WNK3: variants seen among roughly 807,000 people sequenced by gnomAD.
WNK3 encodes WNK lysine deficient protein kinase 3.
WNK3 carries 18 observed loss-of-function variants against 116.7 expected under a neutral mutation model. The ratio of observed to expected loss-of-function variants is 0.15; its 90% CI spans 0.11 to 0.23. The LOEUF (loss-of-function observed/expected upper bound fraction) is 0.23, where lower values mean the gene tolerates loss of function less well. WNK3 is among the 10% of genes least tolerant of loss of function. WNK3 has a pLI of 1.00. For synonymous variants in WNK3, 404 were observed against 469.4 expected, an observed-to-expected ratio of 0.86 and a Z score of 1.80; for missense variants, 993 against 1,323.8, an observed-to-expected ratio of 0.75 and a Z score of 3.88.
Position 54,233,837 on chromosome X carries a change from C to T in WNK3, c.4629-817G>A, listed in dbSNP as rs190882128. Among the ~76,000 whole-genome samples, 3 of 104,858 alleles carry T rather than the reference C, an allele frequency of 2.9e-5. No individual in the cohort carries two copies. In the Admixed American group the frequency reaches 3.1e-4, roughly 11 times the overall value. 91.1% of individuals were successfully genotyped at this position (104,858 alleles called of 115,157 possible). A position where few individuals can be genotyped will look rare whatever the true frequency, so the allele number is the denominator to read the frequency against. On this transcript the variant is annotated intron_variant, in intron 20 of 23. Transcript: ENST00000354646. ...GAAAAAAAAAAAAAAAAAAATCAGC[C>T]AGGTATGATGGCACGTGCCTGTAGT...
In WNK3 at chrX:54,249,648, A is replaced by AAAG. The variant is rs781915624; in HGVS notation, c.2714-17_2714-15dup. The AAAG allele has an allele frequency of 3.0e-4, 360 of 1,183,938 alleles. 4 individuals carry two copies. In the East Asian group the frequency reaches 9.2e-3, roughly 30 times the overall value. On this transcript the variant is annotated splice_polypyrimidine_tract_variant and intron_variant, in intron 16 of 23. Coordinates refer to ENST00000354646, the Ensembl canonical transcript of WNK3. The stretch of plus-strand genomic sequence containing the variant: ...TGTTTTTTGGACCTGGAACAATAAT[A>AAAG]AAGAATGGCTAAGCACGTACTGACG...
At chrX:54,278,466 C>G (rs1354152573) in intron 10 of WNK3, among the ~76,000 whole-genome samples, 1 of 109,731 alleles carries the variant, frequency 9.1e-6, no homozygotes, top group Non-Finnish European at 1.9e-5. Context: ...GTAGCAATCA[C>G]ACTACCCAAT....
At chrX:54,284,533 CA>C (rs1225497747) in intron 10 of WNK3, among the ~76,000 whole-genome samples, 93 of 98,032 alleles carry the variant, frequency 9.5e-4, no homozygotes, top group African/African-American at 3.0e-3. Flanking sequence ...AACATGTTTA[CA>C]AAAAAAAAAA....
chrX:54,336,308 A>T (rs1413677663), intron 1 of WNK3, among the ~76,000 whole-genome samples: 3 of 110,171 alleles, frequency 2.7e-5, no homozygotes, highest in Non-Finnish European at 5.7e-5. Flanking sequence ...TGACAGAGTG[A>T]GACTCTGTCT....
rs189030619 is a variant in WNK3 at position 54,265,998 on chromosome X, C to T, written c.2038-6660G>A. On this transcript the variant is annotated intron_variant, in intron 10 of 23. Coordinates refer to ENST00000354646, the Ensembl canonical transcript of WNK3. ...CTGCACTCCAGCCTGGACAAGACAG[C>T]GAAAAAAAAAAAGAGCTGAATTAGA... Among the ~76,000 whole-genome samples, 17 of 105,263 alleles carry T rather than the reference C, an allele frequency of 1.6e-4. No homozygotes were observed. The East Asian group carries it at 3.8e-3, about 23-fold the overall frequency. 91.4% of individuals were successfully genotyped at this position (105,263 alleles called of 115,157 possible). A position where few individuals can be genotyped will look rare whatever the true frequency, so the allele number is the denominator to read the frequency against.
At chrX:54,316,321 C>T (rs2068955529) in intron 2 of WNK3, among the ~76,000 whole-genome samples, 4 of 109,848 alleles carry the variant, frequency 3.6e-5, no homozygotes, top group Admixed American at 3.0e-4. Context: ...GGTGGATCAC[C>T]TGAGGTCAGG....
intron 10 of WNK3, among the ~76,000 whole-genome samples, chrX:54,272,654 C>T (rs2068397416): frequency 8.9e-6 from 1 of 111,770 alleles, no homozygotes; most frequent in Non-Finnish European, 1.9e-5. Flanking sequence ...CAATTAATGT[C>T]AGTGTTATAC....
At chrX:54,232,713 T>A (rs1431295431) in intron 21 of WNK3, 96 bp downstream of exon 21, 2 of 743,339 alleles carry the variant, frequency 2.7e-6, no homozygotes, top group Non-Finnish European at 3.9e-6. Flanking sequence ...TTAAATTATT[T>A]TAGCCTAATT....
At chrX:54,303,726 CAAT>C (rs2068792708) in intron 5 of WNK3, among the ~76,000 whole-genome samples, 1 of 110,085 alleles carries the variant, frequency 9.1e-6, no homozygotes, top group African/African-American at 3.3e-5. Context: ...ACTCAAAGTA[CAAT>C]AAAAAATTAA....
chrX:54,205,280 C>CA (rs782054609), intron 22 of WNK3, among the ~76,000 whole-genome samples: 1 of 97,783 alleles, frequency 1.0e-5, no homozygotes, highest in Non-Finnish European at 2.0e-5. Flanking sequence ...AACAAACAAA[C>CA]AACAAAAAAA....
At chrX:54,257,011 T>A (rs1557155642) in intron 11 of WNK3, among the ~76,000 whole-genome samples, 1 of 111,931 alleles carries the variant, frequency 8.9e-6, no homozygotes, top group Non-Finnish European at 1.9e-5. Flanking sequence ...AGAAATAATG[T>A]AGTAGACAAT....
At chrX:54,242,867 C>T (rs868957849) in intron 17 of WNK3, among the ~76,000 whole-genome samples, 1 of 111,495 alleles carries the variant, frequency 9.0e-6, no homozygotes, top group East Asian at 2.8e-4. Context: ...AACTTTTGTG[C>T]GTTAAAGGAT....
At chrX:54,316,260 C>T (rs1005574530) in intron 2 of WNK3, among the ~76,000 whole-genome samples, 3 of 110,532 alleles carry the variant, frequency 2.7e-5, no homozygotes, top group Admixed American at 9.8e-5. Flanking sequence ...TAACAGAGGC[C>T]GGGTGCAGTG....
chrX:54,227,802 G>A (rs1390478117), intron 22 of WNK3, among the ~76,000 whole-genome samples: 2 of 112,832 alleles, frequency 1.8e-5, no homozygotes, highest in African/African-American at 6.4e-5. Context: ...GTAAATATAT[G>A]CTAAGTGAAA....
At chrX:54,289,311 G>A (rs2068613487) in intron 10 of WNK3, among the ~76,000 whole-genome samples, 1 of 111,067 alleles carries the variant, frequency 9.0e-6, no homozygotes, top group Non-Finnish European at 1.9e-5. Flanking sequence ...CCTGAATTGA[G>A]TAAGTTGGCT....
intron 23 of WNK3, among the ~76,000 whole-genome samples, chrX:54,199,739 C>T (rs782589037): frequency 1.8e-4 from 20 of 111,745 alleles, no homozygotes; most frequent in Admixed American, 4.8e-4. Context: ...GAGGCTGAGG[C>T]AGCAGAATTG....
rs368191307 is a variant in WNK3 at position 54,237,555 on chromosome X, A to G, written c.4015-4T>C. The G allele has an allele frequency of 2.0e-4, 229 of 1,151,530 alleles. No homozygotes were observed. In the Middle Eastern group the frequency reaches 8.2e-3, roughly 41 times the overall value. The allele number at this position is 1,151,530 out of a possible 1,213,427, so 94.9% of individuals were successfully genotyped here. A position where few individuals can be genotyped will look rare whatever the true frequency, so the allele number is the denominator to read the frequency against. On this transcript the variant is annotated splice_region_variant and splice_polypyrimidine_tract_variant and intron_variant, in intron 19 of 23. Coordinates refer to ENST00000354646, the Ensembl canonical transcript of WNK3. ...GCTGCTGAGGAATTGTAATCACCTG[A>G]GATATAAAAACGTAAAAGTGGTTAG...
At chrX:54,327,853 A>G (rs1457076996) in intron 2 of WNK3, among the ~76,000 whole-genome samples, 3 of 110,783 alleles carry the variant, frequency 2.7e-5, no homozygotes, top group African/African-American at 9.9e-5. Flanking sequence ...CTGTGGTCCC[A>G]GCTACTAGGG....
chrX:54,202,583 C>G (rs1557141898), intron 22 of WNK3, among the ~76,000 whole-genome samples: 1 of 109,094 alleles, frequency 9.2e-6, no homozygotes, highest in Non-Finnish European at 1.9e-5. Flanking sequence ...CCCAGCTACT[C>G]GAGAGGCTGA....
Sources: gnomAD v4.1 joint callset for allele counts (sites outside exome capture counted in the v4.1 genomes callset) on GRCh38, gnomAD v4.1.1 for gene constraint, MANE v1.5 for transcripts, NCBI Gene and HGNC (gene_info 2026-07-23, HGNC 2026-07-21) for gene names.